Variants in MYC observed in about 807,000 individuals in gnomAD.
MYC encodes the protein myc proto-oncogene protein.
Under a neutral mutation model 30.5 loss-of-function variants are expected in MYC, and 1 was observed. The observed-to-expected ratio is 0.03, with a 90% CI of 0.01 to 0.16. The LOEUF is 0.16. Ranked by LOEUF, MYC falls within the 10% of genes least tolerant of loss-of-function variation. MYC has a pLI of 1.00. For synonymous variants in MYC, 267 were observed against 250.7 expected (o/e 1.07, Z -0.62); for missense variants, 508 against 589.0 (o/e 0.86, Z 1.42).
At chr8:127,739,881 T>C (rs1391302642) in intron 2 of MYC, among the ~76,000 whole-genome samples, 2 of 152,044 alleles carry the variant, frequency 1.3e-5, no homozygotes, top group African/African-American at 2.4e-5. Flanking sequence ...ACTTTTCTTG[T>C]CCATGCCATA....
chr8:127,738,142 A>T lies in MYC; in HGVS notation c.31-106A>T. 1 of 1,370,052 alleles carries T rather than the reference A, an allele frequency of 7.3e-7. No homozygotes were observed. The allele number at this position is 1,370,052 out of a possible 1,614,324, so 84.9% of individuals were successfully genotyped here. A position where few individuals can be genotyped will look rare whatever the true frequency, so the allele number is the denominator to read the frequency against. On this transcript the variant is annotated intron_variant, in intron 1 of 2. Coordinates refer to ENST00000621592, the MANE Select transcript of MYC (RefSeq NM_002467.6). This position sits in a 1 kb window ranked among gnomAD's most constrained non-coding sequence, Gnocchi z 7.6. ...AGCCGCTTTAGGGGATAGCTCTGCA[A>T]GGGGAGAGGTTCGGGACTGTGGCGC... is the stretch of plus-strand genomic sequence containing the variant.
upstream of MYC, chr8:127,735,757 G>A (rs1813571803): frequency 5.0e-6 from 2 of 399,084 alleles, no homozygotes; most frequent in Non-Finnish European, 4.4e-6. Context: ...CACAGGACAA[G>A]GATGCGGTTT....
rs376385237 is a variant in MYC, at chr8:127,741,615, A to C, written c.*657A>C. Among the ~76,000 whole-genome samples the C allele has an allele frequency of 1.3e-4, 20 of 152,174 alleles. No homozygotes were observed. The highest frequency in any genetic ancestry group is 4.8e-4 in the African/African-American group (20 of 41,446). On this transcript the variant is annotated 3_prime_UTR_variant, in exon 3 of 3. Coordinates refer to ENST00000621592, the MANE Select transcript of MYC (RefSeq NM_002467.6). ...GGTTCTAAGATGCTTCCTGGAGACT[A>C]TGATAACAGCCAGAGTTGACAGTTA... is the stretch of plus-strand genomic sequence containing the variant.
At position 127,741,182 on chromosome 8, in the gene MYC, T is replaced by C. The variant is rs1813705831; in HGVS notation, c.*224T>C. ...TCTTTAACAGATTTGTATTTAAGAA[T>C]TGTTTTTAAAAAATTTTAAGATTTA... On this transcript the variant is annotated 3_prime_UTR_variant, in exon 3 of 3. Transcript: ENST00000621592. 2 of 403,698 alleles carry C rather than the reference T, an allele frequency of 5.0e-6. No individual in the cohort carries two copies. The highest frequency in any genetic ancestry group is 4.4e-6 in the Non-Finnish European group (1 of 228,524). 25.0% of individuals were successfully genotyped at this position (403,698 alleles called of 1,614,324 possible). A position where few individuals can be genotyped will look rare whatever the true frequency, so the allele number is the denominator to read the frequency against.
At position 127,740,936 on chromosome 8, in the gene MYC, A is replaced by G. The variant is rs1478499127; in HGVS notation, c.1343A>G (p.Gln448Arg). 4.4e-6 allele frequency: 7 copies of G among 1,582,620 alleles called. No individual in the cohort carries two copies. Among genetic ancestry groups the G allele is most frequent in the Non-Finnish European group, 6.0e-6 (7 of 1,167,376 alleles). ...GAACAGTTGAAACACAAACTTGAAC[A>G]GCTACGGAACTCTTGTGCGTAAGGA... The change falls in exon 3 of 3, where the codon CAG becomes CGG. Residue 448 changes from glutamine (Q) to arginine (R), a missense_variant. Coordinates refer to ENST00000621592, the MANE Select transcript of MYC (RefSeq NM_002467.6).
chr8:127,737,368 G>A (rs1434700856), intron 1 of MYC, among the ~76,000 whole-genome samples: 1 of 152,214 alleles, frequency 6.6e-6, no homozygotes, highest in Non-Finnish European at 1.5e-5. Flanking sequence ...TCCGCACCCA[G>A]CCCTGACTCC....
chr8:127,740,566 G>T lies in MYC; in HGVS notation c.973G>T (p.Ala325Ser). ...CGTCTCCACACATCAGCACAACTAC[G>T]CAGCGCCTCCCTCCACTCGGAAGGA... is the stretch of plus-strand genomic sequence containing the variant. The change falls in exon 3 of 3, where the codon GCA becomes TCA. Residue 325 changes from alanine to serine, a missense_variant. Ala to Ser is a moderately conservative substitution (Grantham distance 99). Around this residue, in one of 5 missense-constraint regions of MYC, gnomAD observed 364 missense variants for 381.1 expected, o/e 0.96. Transcript: ENST00000621592. 6.2e-6 allele frequency: 10 copies of T among 1,614,026 alleles called. No homozygotes were observed. The highest frequency in any genetic ancestry group is 8.5e-6 in the Non-Finnish European group (10 of 1,180,014).
intron 2 of MYC, among the ~76,000 whole-genome samples, chr8:127,739,507 C>A (rs988144881): frequency 1.3e-5 from 2 of 152,124 alleles, no homozygotes; most frequent in Non-Finnish European, 2.9e-5. Flanking sequence ...AGTGCGGGAG[C>A]CAGTGAACTG....
Position 127,740,440 on chromosome 8 carries a change from G to A in MYC, c.847G>A (p.Glu283Lys). ...GGAAGAAATCGATGTTGTTTCTGTGGAAAAGAGGCAGGCTCCTGGCAAAAG... is the reference window on the plus strand; with the variant it reads ...GGAAGAAATCGATGTTGTTTCTGTGAAAAAGAGGCAGGCTCCTGGCAAAAG... Residue 283 changes from glutamate to lysine, a missense_variant, in exon 3 of 3, where the codon GAA becomes AAA. Coordinates refer to ENST00000621592, the MANE Select transcript of MYC (RefSeq NM_002467.6). 1 of 1,614,110 alleles carries A rather than the reference G, an allele frequency of 6.2e-7. No homozygotes were observed. The highest frequency in any genetic ancestry group is 8.5e-7 in the Non-Finnish European group (1 of 1,180,014).
At chr8:127,736,018 G>C (rs1270937748), upstream of MYC, 6 of 338,760 alleles carry the variant, frequency 1.8e-5, no homozygotes, top group Non-Finnish European at 3.1e-5. Context: ...ATCCTCTCTC[G>C]CTAATCTCCG....
At chr8:127,735,822 G>A (rs117576103), upstream of MYC, 2,177 of 399,132 alleles carry the variant, frequency 5.5e-3, 13 homozygotes, top group Non-Finnish European at 8.0e-3. Flanking sequence ...GTTTGAGAGG[G>A]AGCAAAAGAA....
In MYC at chr8:127,738,625, C is replaced by A. The variant is rs1284270835; in HGVS notation, c.408C>A (p.Asp136Glu). The change falls in exon 2 of 3, where the codon GAC (aspartate) becomes GAA (glutamate). Residue 136 changes from aspartate (D) to glutamate (E), a missense_variant. By Grantham distance (45) the Asp-to-Glu change is conservative. Coordinates refer to ENST00000621592, the MANE Select transcript of MYC (RefSeq NM_002467.6). The surrounding 1 kb of genome is among the most constrained non-coding windows in gnomAD (Gnocchi z 7.6). The stretch of plus-strand genomic sequence containing the variant: ...AGAGTTTCATCTGCGACCCGGACGA[C>A]GAGACCTTCATCAAAAACATCATCA... 5 of 1,612,902 alleles carry A rather than the reference C, an allele frequency of 3.1e-6. No homozygotes were observed. Among genetic ancestry groups the A allele is most frequent in the Non-Finnish European group, 4.2e-6 (5 of 1,179,158 alleles).
In MYC at chr8:127,736,351, T is replaced by C. The variant is rs1215166096; in HGVS notation, c.-243T>C. 10 of 601,054 alleles carry C rather than the reference T, an allele frequency of 1.7e-5. No homozygotes were observed. Among genetic ancestry groups the C allele is most frequent in the East Asian group, 8.3e-5 (3 of 36,152 alleles). The allele number at this position is 601,054 out of a possible 1,614,324, so 37.2% of individuals were successfully genotyped here. On this transcript the variant is annotated 5_prime_UTR_variant, in exon 1 of 3. Coordinates refer to ENST00000621592, the MANE Select transcript of MYC (RefSeq NM_002467.6). ...CCTGGGAAGGGAGATCCGGAGCGAATAGGGGGCTTCGCCTCTGGCCCAGCC... is the reference window on the plus strand; with the variant it reads ...CCTGGGAAGGGAGATCCGGAGCGAACAGGGGGCTTCGCCTCTGGCCCAGCC...
intron 1 of MYC, among the ~76,000 whole-genome samples, chr8:127,736,866 C>T (rs1003619260): frequency 6.6e-6 from 1 of 152,276 alleles, no homozygotes. Context: ...TAAGACTACC[C>T]TTTCGAGATT....
At chr8:127,736,959 G>C (rs565949521) in intron 1 of MYC, among the ~76,000 whole-genome samples, 9 of 152,356 alleles carry the variant, frequency 5.9e-5, no homozygotes, top group Non-Finnish European at 1.3e-4. Context: ...CTGGGTTTTG[G>C]GGGGCTGGGG....
chr8:127,737,636 A>G (rs974339996), intron 1 of MYC, among the ~76,000 whole-genome samples: 1 of 149,168 alleles, frequency 6.7e-6, no homozygotes, highest in African/African-American at 2.5e-5. Flanking sequence ...AGCCGGCGAG[A>G]GAAAGAAGAA....
At position 127,738,215 on chromosome 8, in the gene MYC, A is replaced by G. The variant is rs1453261430; in HGVS notation, c.31-33A>G. Reference sequence around the variant, plus strand: ...TCCGCACCAAGACCCCTTTAACTCAAGACTGCCTCCCGCTTTGTGTGCCCC... The same window carrying G: ...TCCGCACCAAGACCCCTTTAACTCAGGACTGCCTCCCGCTTTGTGTGCCCC... On this transcript the variant is annotated intron_variant, in intron 1 of 2. Coordinates refer to ENST00000621592, the MANE Select transcript of MYC (RefSeq NM_002467.6). This position sits in a 1 kb window ranked among gnomAD's most constrained non-coding sequence, Gnocchi z 7.6. 3 of 1,547,652 alleles carry G rather than the reference A, an allele frequency of 1.9e-6. No homozygotes were observed. The highest frequency in any genetic ancestry group is 1.4e-5 in the African/African-American group (1 of 73,134).
intron 1 of MYC, among the ~76,000 whole-genome samples, chr8:127,737,069 T>C (rs555463064): frequency 1.2e-3 from 179 of 152,348 alleles, no homozygotes; most frequent in African/African-American, 4.1e-3. Context: ...AGCCGCTGAC[T>C]TGTCCCCGTC....
In MYC at chr8:127,738,805, G is replaced by A. The variant is rs2130096647; in HGVS notation, c.588G>A (p.Leu196=). The change falls in exon 2 of 3, where the codon CTG becomes CTA. Residue 196 remains leucine, a synonymous_variant. Transcript: ENST00000621592. The surrounding 1 kb of genome is among the most constrained non-coding windows in gnomAD (Gnocchi z 7.6). ...CCTCCAGCTTGTACCTGCAGGATCT[G>A]AGCGCCGCCGCCTCAGAGTGCATCG... 6.2e-7 allele frequency: 1 copy of A among 1,609,036 alleles called. No individual in the cohort carries two copies.
Sources: gnomAD v4.1 joint callset for allele counts (sites outside exome capture counted in the v4.1 genomes callset) on GRCh38, gnomAD v4.1.1 for gene constraint, gnomAD v4.1.1 regional missense constraint, Gnocchi (gnomAD v3.1) non-coding constraint, MANE v1.5 for transcripts, NCBI Gene and HGNC (gene_info 2026-07-23, HGNC 2026-07-21) for gene names.